The following TEX15 variants were observed in gnomAD, a reference collection of about 807,000 sequenced individuals.
The protein encoded by TEX15 is testis-expressed protein 15.
Under a neutral mutation model 237.3 loss-of-function variants are expected in TEX15, and 171 were observed. The ratio of observed to expected loss-of-function variants is 0.72; its 90% confidence interval spans 0.64 to 0.82. The LOEUF is 0.82. Ranked by LOEUF, TEX15 falls within the 40% of genes least tolerant of loss-of-function variation. The pLI is 0.00. For synonymous variants in TEX15, 1,338 were observed against 1,269.8 expected (o/e 1.05, Z -1.14); for missense variants, 3,750 against 3,646.5 (o/e 1.03, Z -0.73).
chr8:30,888,271 G>A (rs778068457), intron 2 of TEX15, among the ~76,000 whole-genome samples: 4 of 151,830 alleles, frequency 2.6e-5, no homozygotes, highest in Admixed American at 1.3e-4. Flanking sequence ...TGACTAAAAC[G>A]ATACTCTCTT....
In TEX15 at chr8:30,848,316, A is replaced by G; in HGVS notation, c.1851T>C (p.Asn617=). Residue 617 remains asparagine (N), a synonymous_variant, in exon 8 of 11, where the codon AAT becomes AAC. Transcript: ENST00000643185. ...KKVSIDEYLQ[N]TGKMKNFADL... ...CAGCGAAGTTTTTCATCTTTCCAGT[A>G]TTTTGAAGGTATTCATCAATGCTTA... is the stretch of plus-strand genomic sequence containing the variant. 1 of 1,613,832 alleles carries G rather than the reference A, an allele frequency of 6.2e-7. No individual in the cohort carries two copies. Among genetic ancestry groups the G allele is most frequent in the Non-Finnish European group, 8.5e-7 (1 of 1,179,968 alleles).
intron 2 of TEX15, among the ~76,000 whole-genome samples, chr8:30,888,104 A>G (rs1808702222): frequency 6.6e-6 from 1 of 151,496 alleles, no homozygotes; most frequent in Non-Finnish European, 1.5e-5. Context: ...CTTTTGAGAC[A>G]GGGTCTCTCT....
chr8:30,846,582 CT>C lies in TEX15; in HGVS notation c.3584del (p.Lys1195ArgfsTer7). 6.2e-7 allele frequency: 1 copy of C among 1,613,844 alleles called. No individual in the cohort carries two copies. On this transcript the variant is annotated frameshift_variant, in exon 8 of 11. Transcript: ENST00000643185. LOFTEE classifies it high-confidence loss of function. ...CAAATCCTAGAATTTCTCCATCTTC[CT>C]TATTTATTTCCGGTTTTGTGGCTTC... ...VTEATKPEIN[K>X]EDGEILGFDI...
At chr8:30,872,474 G>A (rs1808311437) in intron 4 of TEX15, among the ~76,000 whole-genome samples, 1 of 152,034 alleles carries the variant, frequency 6.6e-6, no homozygotes, top group Non-Finnish European at 1.5e-5. Flanking sequence ...TATGTATTTA[G>A]TATACTATAC....
chr8:30,878,578 G>A (rs1044752349), intron 3 of TEX15, among the ~76,000 whole-genome samples: 4 of 151,952 alleles, frequency 2.6e-5, no homozygotes, highest in South Asian at 2.1e-4. Flanking sequence ...GTCAAGATGC[G>A]GTTTCTCCAT....
At chr8:30,879,774 G>A (rs1226714099) in intron 3 of TEX15, among the ~76,000 whole-genome samples, 3 of 152,086 alleles carry the variant, frequency 2.0e-5, no homozygotes, top group Non-Finnish European at 4.4e-5. Flanking sequence ...TCCCAGGTAA[G>A]TGTCAGAATA....
At position 30,865,720 on chromosome 8, in the gene TEX15, A is replaced by G. The variant is rs558711727; in HGVS notation, c.540+1545T>C. On this transcript the variant is annotated intron_variant, in intron 5 of 10. Coordinates refer to ENST00000643185, the MANE Select transcript of TEX15 (RefSeq NM_001350162.2). ...AAAAACCATATTATCATTTCATTAG[A>G]TGCTGAAAAAGCAATAAAACCAAAC... Among the ~76,000 whole-genome samples, 5 of 152,308 alleles carry G rather than the reference A, an allele frequency of 3.3e-5. No individual in the cohort carries two copies. The East Asian group carries it at 7.7e-4, about 23-fold the overall frequency.
chr8:30,883,098 T>C (rs1808565533), intron 3 of TEX15, among the ~76,000 whole-genome samples: 1 of 152,064 alleles, frequency 6.6e-6, no homozygotes, highest in African/African-American at 2.4e-5. Flanking sequence ...TTAATGTCAA[T>C]TTTATTTTTC....
intron 2 of TEX15, among the ~76,000 whole-genome samples, chr8:30,889,954 C>CACAT (rs1554502343): frequency 3.6e-5 from 4 of 110,086 alleles, no homozygotes; most frequent in African/African-American, 1.8e-4. Context: ...TATATATATA[C>CACAT]ATATATATAT....
intron 2 of TEX15, among the ~76,000 whole-genome samples, chr8:30,889,871 T>G (rs28374845): frequency 0.022 from 3,212 of 148,776 alleles, 117 homozygotes; most frequent in African/African-American, 0.075. Context: ...TGTTACATAT[T>G]ACAAATTATA....
chr8:30,836,344 G>T (rs1011972468), intron 10 of TEX15, among the ~76,000 whole-genome samples: 2 of 150,808 alleles, frequency 1.3e-5, no homozygotes, highest in African/African-American at 4.9e-5. Flanking sequence ...CTCCTGGGTA[G>T]CTGGGACTAC....
At position 30,858,739 on chromosome 8, in the gene TEX15, C is replaced by T; in HGVS notation, c.779G>A (p.Gly260Asp). The T allele has an allele frequency of 2.6e-6, 4 of 1,535,722 alleles. No individual in the cohort carries two copies. Among genetic ancestry groups the T allele is most frequent in the Non-Finnish European group, 2.6e-6 (3 of 1,146,704 alleles). Residue 260 changes from glycine (G) to aspartate (D), a missense_variant, in exon 7 of 11, where the codon GGT becomes GAT. Physicochemically the swap from Gly to Asp is moderately conservative, Grantham distance 94. Transcript: ENST00000643185. ...PYAVVTVKFL[G>D]SKVDNGRLMT... ...AAGGCGTCCATTATCTACTTTTGAA[C>T]CAAGAAATTTTACTGTTACTACAGC...
chr8:30,886,923 C>T (rs982548027), intron 3 of TEX15: 7 of 322,892 alleles, frequency 2.2e-5, no homozygotes, highest in Admixed American at 1.5e-4. Flanking sequence ...TCTCCAGTTT[C>T]GAAAGTCTTT....
At chr8:30,895,675 G>GTTTTTTTTT (rs1563276129) in intron 2 of TEX15, among the ~76,000 whole-genome samples, 7 of 76,962 alleles carry the variant, frequency 9.1e-5, no homozygotes, top group Admixed American at 1.5e-4. Flanking sequence ...TTAAACACAT[G>GTTTTTTTTT]CTTTTTTTTT....
At chr8:30,862,551 T>C (rs931667525) in intron 5 of TEX15, among the ~76,000 whole-genome samples, 2 of 152,128 alleles carry the variant, frequency 1.3e-5, no homozygotes, top group Non-Finnish European at 2.9e-5. Flanking sequence ...ACATTCCAAA[T>C]TTTCTAAAAT....
chr8:30,889,935 A>ATATATATATATACATATATATATATATG (rs1563273085), intron 2 of TEX15, among the ~76,000 whole-genome samples: 2 of 82,806 alleles, frequency 2.4e-5, no homozygotes, highest in African/African-American at 1.5e-4. Context: ...AGTTATATAC[A>ATATATATATATACATATATATATATATG]TATATATATA....
intron 9 of TEX15, 115 bp downstream of exon 9, chr8:30,839,791 A>G: frequency 3.4e-6 from 2 of 585,420 alleles, no homozygotes; most frequent in Non-Finnish European, 5.8e-6. Context: ...CTCATCCCCT[A>G]AGTTACATGT....
At chr8:30,891,881 T>C (rs1004061110) in intron 2 of TEX15, among the ~76,000 whole-genome samples, 3 of 152,276 alleles carry the variant, frequency 2.0e-5, no homozygotes, top group African/African-American at 4.8e-5. Context: ...GTTTATTCTA[T>C]GTATTTGCAA....
chr8:30,891,486 C>A (rs941664816), intron 2 of TEX15, among the ~76,000 whole-genome samples: 7 of 152,044 alleles, frequency 4.6e-5, no homozygotes, highest in Admixed American at 1.3e-4. Context: ...CCCGCACCCC[C>A]CCTTTTTTTT....
Sources: gnomAD v4.1 joint callset for allele counts (sites outside exome capture counted in the v4.1 genomes callset) on GRCh38, gnomAD v4.1.1 for gene constraint, MANE v1.5 for transcripts, NCBI Gene and HGNC (gene_info 2026-07-23, HGNC 2026-07-21) for gene names.